Variants in PKIB observed in about 807,000 individuals in gnomAD.
The protein encoded by PKIB is PKI-beta.
Under a neutral mutation model 4.5 loss-of-function variants are expected in PKIB, and 2 were observed. The observed-to-expected ratio is 0.44, with a 90% CI of 0.18 to 1.39. The LOEUF is 1.39. Ranked by LOEUF, PKIB falls within the 40% of genes most tolerant of loss-of-function variation. The pLI is 0.27. For synonymous variants in PKIB, 38 were observed against 36.0 expected, an observed-to-expected ratio of 1.06 and a Z score of -0.20; for missense variants, 94 against 92.6, an observed-to-expected ratio of 1.02 and a Z score of -0.06.
chr6:122,696,353 C>T lies in PKIB; in HGVS notation c.-9+21209C>T, dbSNP rs181285931. On this transcript the variant is annotated intron_variant, in intron 3 of 4. Coordinates refer to ENST00000368452, the MANE Select transcript of PKIB (RefSeq NM_181795.3). Reference sequence around the variant, plus strand: ...GAAGAATTCAGGATGTAATGAGACCCCAGTCATTATTCAAGTCTCTGTGAA... The same window carrying T: ...GAAGAATTCAGGATGTAATGAGACCTCAGTCATTATTCAAGTCTCTGTGAA... 2.2e-4 allele frequency among the ~76,000 whole-genome samples: 33 copies of T among 152,192 alleles called. No individual in the cohort carries two copies. In the East Asian group the frequency reaches 6.2e-3, roughly 29 times the overall value.
chr6:122,645,805 G>A (rs1776288434), intron 2 of PKIB, among the ~76,000 whole-genome samples: 1 of 152,196 alleles, frequency 6.6e-6, no homozygotes. Flanking sequence ...GGAGCTGGGA[G>A]CCAGGAAGGT....
chr6:122,474,772 T>A (rs1304403827), intron 1 of PKIB, among the ~76,000 whole-genome samples: 3 of 152,236 alleles, frequency 2.0e-5, no homozygotes, highest in Non-Finnish European at 4.4e-5. Context: ...AAGGTTTTCC[T>A]TAGAAGATAG....
Position 122,505,319 on chromosome 6 carries a change from T to C in PKIB, c.-248+27380T>C, listed in dbSNP as rs143353907. ...GAGGCTTTCCTCCTCAGAGGCCTCT[T>C]GTGGCTTTCCACAACTTATTGTCCC... On this transcript the variant is annotated intron_variant, in intron 2 of 6. Transcript: ENST00000392491. Among the ~76,000 whole-genome samples, 754 of 152,326 alleles carry C rather than the reference T, an allele frequency of 4.9e-3. 7 individuals carry two copies. Among genetic ancestry groups the C allele is most frequent in the African/African-American group, 0.017 (712 of 41,562 alleles).
At chr6:122,487,528 T>C (rs1000750858) in intron 2 of PKIB, among the ~76,000 whole-genome samples, 3 of 152,160 alleles carry the variant, frequency 2.0e-5, no homozygotes, top group Admixed American at 2.0e-4. Context: ...TTTATGCTCT[T>C]ATAAAAGAGA....
chr6:122,552,929 A>C lies in PKIB; in HGVS notation c.-247-32992A>C, dbSNP rs117252891. On this transcript the variant is annotated intron_variant, in intron 2 of 6. Coordinates refer to the PKIB transcript ENST00000392491. ...CATCTTTGGGCTCTAGCTCATTGTA[A>C]AGAGTAGTGGCTACTCCTTATATCT... 1.2e-3 allele frequency among the ~76,000 whole-genome samples: 182 copies of C among 152,210 alleles called. 5 individuals carry two copies. In the East Asian group the frequency reaches 0.032, roughly 27 times the overall value.
chr6:122,545,831 C>T (rs940285187), intron 2 of PKIB, among the ~76,000 whole-genome samples: 6 of 150,118 alleles, frequency 4.0e-5, no homozygotes, highest in African/African-American at 1.5e-4. Flanking sequence ...AAAGGCTTTC[C>T]ATCATGTGAA....
intron 4 of PKIB, among the ~76,000 whole-genome samples, chr6:122,724,596 G>C (rs1779878206): frequency 6.6e-6 from 1 of 152,152 alleles, no homozygotes; most frequent in Non-Finnish European, 1.5e-5. Context: ...ACAGATCACG[G>C]GGAGTTTTAG....
chr6:122,630,301 C>T (rs1775643214), intron 1 of PKIB, among the ~76,000 whole-genome samples: 2 of 151,972 alleles, frequency 1.3e-5, no homozygotes, highest in African/African-American at 4.8e-5. Flanking sequence ...TGGATGAATA[C>T]ATAAACAAAA....
At chr6:122,628,264 C>G (rs62422816) in intron 1 of PKIB, among the ~76,000 whole-genome samples, 3 of 152,070 alleles carry the variant, frequency 2.0e-5, no homozygotes, top group South Asian at 2.1e-4. Context: ...CTCAAACTCC[C>G]GACCTCAGGT....
chr6:122,650,963 T>C (rs914248418), intron 2 of PKIB, among the ~76,000 whole-genome samples: 2 of 152,204 alleles, frequency 1.3e-5, no homozygotes, highest in African/African-American at 4.8e-5. Flanking sequence ...GTTAGAGCCT[T>C]TTCTAACCCT....
chr6:122,479,347 A>T (rs533850901), intron 2 of PKIB: 5 of 152,308 alleles, frequency 3.3e-5, no homozygotes, highest in Non-Finnish European at 7.3e-5. Context: ...TTCATACTTT[A>T]TAGAGTTTTG....
At chr6:122,532,476 T>A (rs1489019029) in intron 2 of PKIB, among the ~76,000 whole-genome samples, 1 of 152,178 alleles carries the variant, frequency 6.6e-6, no homozygotes, top group African/African-American at 2.4e-5. Context: ...ATCACCACTA[T>A]CCATCTCCAG....
chr6:122,523,148 G>A (rs182531183), intron 2 of PKIB, among the ~76,000 whole-genome samples: 1 of 152,134 alleles, frequency 6.6e-6, no homozygotes, highest in African/African-American at 2.4e-5. Flanking sequence ...ATTATGTTGA[G>A]GCAGTTTCTT....
At chr6:122,709,485 G>GTT (rs11331347) in intron 3 of PKIB, among the ~76,000 whole-genome samples, 1 of 148,440 alleles carries the variant, frequency 6.7e-6, no homozygotes, top group East Asian at 2.0e-4. Context: ...TCAAGTGGGA[G>GTT]TTTTTTTTTT....
chr6:122,669,806 C>T (rs1035897074), intron 2 of PKIB, among the ~76,000 whole-genome samples: 7 of 152,098 alleles, frequency 4.6e-5, no homozygotes, highest in African/African-American at 1.4e-4. Flanking sequence ...CTCCCTCATT[C>T]GGTGTAGCCT....
chr6:122,649,581 C>T (rs978437272), intron 2 of PKIB, among the ~76,000 whole-genome samples: 2 of 152,116 alleles, frequency 1.3e-5, no homozygotes, highest in African/African-American at 2.4e-5. Flanking sequence ...TTACTTGAGC[C>T]TGTTTCAGCT....
intron 2 of PKIB, among the ~76,000 whole-genome samples, chr6:122,529,554 A>C (rs759081292): frequency 6.6e-6 from 1 of 152,114 alleles, no homozygotes; most frequent in Non-Finnish European, 1.5e-5. Flanking sequence ...GCTGTCTACT[A>C]TCCTTTTGTT....
intron 3 of PKIB, among the ~76,000 whole-genome samples, chr6:122,679,780 T>G (rs1777824174): frequency 6.6e-6 from 1 of 152,158 alleles, no homozygotes; most frequent in Non-Finnish European, 1.5e-5. Context: ...CAATATTAAC[T>G]GGCCTTCCAC....
chr6:122,493,861 A>T (rs1776005408), intron 2 of PKIB, among the ~76,000 whole-genome samples: 1 of 152,062 alleles, frequency 6.6e-6, no homozygotes. Context: ...ACAGCCAGGG[A>T]CCACATTGTT....
Sources: gnomAD v4.1 joint callset for allele counts (sites outside exome capture counted in the v4.1 genomes callset) on GRCh38, gnomAD v4.1.1 for gene constraint, MANE v1.5 for transcripts, NCBI Gene and HGNC (gene_info 2026-07-23, HGNC 2026-07-21) for gene names.